ARB2A: variants seen among roughly 807,000 people sequenced by gnomAD.
ARB2A encodes the protein cotranscriptional regulator ARB2A.
the ARB2A span, among the ~76,000 whole-genome samples, chr5:93,768,214 T>C: frequency 6.6e-6 from 1 of 150,972 alleles, no homozygotes; most frequent in East Asian, 2.0e-4. Flanking sequence ...GTGGGAGTGG[T>C]GCAAGGGATA....
At chr5:93,749,108 C>A in the ARB2A span, among the ~76,000 whole-genome samples, 1 of 149,542 alleles carries the variant, frequency 6.7e-6, no homozygotes, top group South Asian at 2.1e-4. Flanking sequence ...TCTTTTTTGT[C>A]ATAAACACTT....
chr5:94,103,579 A>C, the ARB2A span, among the ~76,000 whole-genome samples: 1 of 152,042 alleles, frequency 6.6e-6, no homozygotes, highest in African/African-American at 2.4e-5. Context: ...GGAAGACCTC[A>C]CCTTGACACC....
chr5:93,975,576 GCA>G, the ARB2A span, among the ~76,000 whole-genome samples: 1 of 151,906 alleles, frequency 6.6e-6, no homozygotes, highest in Non-Finnish European at 1.5e-5. Context: ...ATAAATCTAT[GCA>G]CAATCAGAAA....
At chr5:93,718,870 C>T in the ARB2A span, among the ~76,000 whole-genome samples, 1 of 152,028 alleles carries the variant, frequency 6.6e-6, no homozygotes, top group African/African-American at 2.4e-5. Context: ...TTGGTAGTAC[C>T]TCTTTCTATT....
At chr5:93,856,121 C>G in the ARB2A span, among the ~76,000 whole-genome samples, 1 of 152,180 alleles carries the variant, frequency 6.6e-6, no homozygotes, top group African/African-American at 2.4e-5. Context: ...ACAAGCCACT[C>G]TCTTCTGGCT....
At chr5:93,703,831 C>T in the ARB2A span, among the ~76,000 whole-genome samples, 1 of 152,172 alleles carries the variant, frequency 6.6e-6, no homozygotes, top group African/African-American at 2.4e-5. Context: ...AATATTCTCA[C>T]ACTCCTTAAT....
chr5:93,883,490 T>C, the ARB2A span, among the ~76,000 whole-genome samples: 10 of 151,652 alleles, frequency 6.6e-5, no homozygotes, highest in African/African-American at 2.4e-4. Context: ...TTTATTCTAA[T>C]CTGTATAGCT....
chr5:93,807,756 G>A, the ARB2A span, among the ~76,000 whole-genome samples: 6 of 151,882 alleles, frequency 4.0e-5, no homozygotes, highest in South Asian at 2.1e-4. Flanking sequence ...TTTCTTTAAC[G>A]TAGCTTTTTC....
chr5:93,972,649 G>A, the ARB2A span, among the ~76,000 whole-genome samples: 1 of 152,124 alleles, frequency 6.6e-6, no homozygotes, highest in Non-Finnish European at 1.5e-5. Flanking sequence ...AATATGGGTG[G>A]CAAAGAAACT....
At chr5:93,767,789 T>C in the ARB2A span, among the ~76,000 whole-genome samples, 16 of 151,794 alleles carry the variant, frequency 1.1e-4, no homozygotes, top group African/African-American at 3.6e-4. Context: ...GGTCAGGAGA[T>C]GGAGACCATC....
chr5:94,064,087 G>A, the ARB2A span, among the ~76,000 whole-genome samples: 1 of 151,698 alleles, frequency 6.6e-6, no homozygotes, highest in African/African-American at 2.4e-5. Flanking sequence ...CAAAAAAGCA[G>A]TAAAAAGAAA....
At chr5:93,673,007 C>T in the ARB2A span, among the ~76,000 whole-genome samples, 3,134 of 152,242 alleles carry the variant, frequency 0.021, 113 homozygotes, top group African/African-American at 0.072. Flanking sequence ...TGCCAACACA[C>T]ATGAAACATA....
At chr5:93,663,585 G>T in the ARB2A span, among the ~76,000 whole-genome samples, 1 of 152,196 alleles carries the variant, frequency 6.6e-6, no homozygotes, top group African/African-American at 2.4e-5. Flanking sequence ...CTATCGGATA[G>T]ACTGCACAGG....
the ARB2A span, among the ~76,000 whole-genome samples, chr5:94,015,607 G>A: frequency 6.6e-6 from 1 of 152,126 alleles, no homozygotes; most frequent in Non-Finnish European, 1.5e-5. Flanking sequence ...AAACTATTGA[G>A]AAAGGTTAAA....
At chr5:93,798,828 T>C in the ARB2A span, among the ~76,000 whole-genome samples, 1 of 152,132 alleles carries the variant, frequency 6.6e-6, no homozygotes, top group Non-Finnish European at 1.5e-5. Flanking sequence ...TGATGGTATG[T>C]CCTAGCACTT....
At chr5:94,032,026 A>T in the ARB2A span, among the ~76,000 whole-genome samples, 2 of 152,188 alleles carry the variant, frequency 1.3e-5, no homozygotes, top group African/African-American at 2.4e-5. Flanking sequence ...TAGATATTAA[A>T]GGATGCAGCA....
At chr5:93,762,662 C>A in the ARB2A span, among the ~76,000 whole-genome samples, 1 of 152,186 alleles carries the variant, frequency 6.6e-6, no homozygotes, top group Non-Finnish European at 1.5e-5. Context: ...CCCAATCTAG[C>A]AAGGCAGGCC....
At chr5:93,915,353 A>G in the ARB2A span, among the ~76,000 whole-genome samples, 2 of 151,816 alleles carry the variant, frequency 1.3e-5, no homozygotes, top group Non-Finnish European at 2.9e-5. Flanking sequence ...CTACAGGCAT[A>G]AACAGGTATT....
chr5:93,858,330 A>G, the ARB2A span, among the ~76,000 whole-genome samples: 1 of 152,232 alleles, frequency 6.6e-6, no homozygotes, highest in Admixed American at 6.5e-5. Context: ...CATTGTTTGC[A>G]CAATCATTTT....
Sources: gnomAD v4.1 joint callset for allele counts (sites outside exome capture counted in the v4.1 genomes callset) on GRCh38, gnomAD v4.1.1 for gene constraint, MANE v1.5 for transcripts, NCBI Gene and HGNC (gene_info 2026-07-23, HGNC 2026-07-21) for gene names.